CSMD1: variants seen among roughly 807,000 people sequenced by gnomAD.
CSMD1 encodes the protein CUB and Sushi multiple domains 1.
In CSMD1, 213 loss-of-function variants were observed where a neutral mutation model predicts 417.5. The ratio of observed to expected loss-of-function variants is 0.51; its 90% confidence interval spans 0.46 to 0.57. CSMD1 has a LOEUF of 0.57. CSMD1 is among the 20% of genes least tolerant of loss of function. The pLI is 0.00. For synonymous variants in CSMD1, 2,862 were observed against 1,736.8 expected, an observed-to-expected ratio of 1.65 and a Z score of -16.11; for missense variants, 6,923 against 4,529.7, an observed-to-expected ratio of 1.53 and a Z score of -15.17.
intron 3 of CSMD1, among the ~76,000 whole-genome samples, chr8:4,411,817 G>A (rs1203711033): frequency 2.0e-5 from 3 of 152,088 alleles, no homozygotes; most frequent in Non-Finnish European, 4.4e-5. Context: ...ACATAGCTAT[G>A]CAAATACTTT....
chr8:3,688,461 A>G (rs1391318482), intron 7 of CSMD1, among the ~76,000 whole-genome samples: 1 of 152,224 alleles, frequency 6.6e-6, no homozygotes, highest in East Asian at 1.9e-4. Context: ...GACTCATCCT[A>G]CGTGTCTCTG....
chr8:3,401,640 A>C (rs17393864), intron 15 of CSMD1, among the ~76,000 whole-genome samples: 4,873 of 152,286 alleles, frequency 0.032, 112 homozygotes, highest in Middle Eastern at 0.065. Flanking sequence ...TGAATTTCTC[A>C]CAAATGTGGC....
intron 3 of CSMD1, among the ~76,000 whole-genome samples, chr8:4,196,231 A>ATAAC (rs1299821716): frequency 1.3e-5 from 2 of 152,116 alleles, no homozygotes; most frequent in East Asian, 3.9e-4. Context: ...AAATAAATAA[A>ATAAC]TAATAAAAAT....
At chr8:4,212,670 T>G (rs933925340) in intron 3 of CSMD1, among the ~76,000 whole-genome samples, 2 of 150,724 alleles carry the variant, frequency 1.3e-5, no homozygotes, top group African/African-American at 4.9e-5. Context: ...TTTAAAAATC[T>G]AAGAACAGAA....
chr8:3,659,001 T>C (rs1585031661), intron 7 of CSMD1, among the ~76,000 whole-genome samples: 1 of 152,214 alleles, frequency 6.6e-6, no homozygotes, highest in African/African-American at 2.4e-5. Flanking sequence ...TCTTCTAAAA[T>C]ACTTCTAGGT....
chr8:4,220,946 C>A (rs543081793), intron 3 of CSMD1, among the ~76,000 whole-genome samples: 1 of 152,166 alleles, frequency 6.6e-6, no homozygotes, highest in Non-Finnish European at 1.5e-5. Flanking sequence ...GTTCACACCA[C>A]ACGGTTGAGT....
intron 3 of CSMD1, among the ~76,000 whole-genome samples, chr8:4,264,988 A>G (rs1804149423): frequency 2.0e-5 from 3 of 152,160 alleles, no homozygotes; most frequent in African/African-American, 7.2e-5. Context: ...AGCAACAATT[A>G]AGAAGCACTT....
At chr8:4,645,387 C>G (rs969764960) in intron 1 of CSMD1, among the ~76,000 whole-genome samples, 1 of 130,274 alleles carries the variant, frequency 7.7e-6, no homozygotes, top group Non-Finnish European at 1.5e-5. Flanking sequence ...TAAAGTCATT[C>G]AGTGTGTACC....
At chr8:4,365,586 T>C (rs1584962413) in intron 3 of CSMD1, among the ~76,000 whole-genome samples, 1 of 152,222 alleles carries the variant, frequency 6.6e-6, no homozygotes, top group African/African-American at 2.4e-5. Context: ...ATCAAGCAGA[T>C]ACTCTGGTTT....
intron 1 of CSMD1, among the ~76,000 whole-genome samples, chr8:4,763,741 T>C (rs1397899879): frequency 6.6e-6 from 1 of 152,228 alleles, no homozygotes; most frequent in East Asian, 1.9e-4. Context: ...GGTTCTGGAA[T>C]ACCATTTCAA....
At chr8:3,249,711 CATTT>C (rs1486775057) in intron 26 of CSMD1, among the ~76,000 whole-genome samples, 3 of 152,010 alleles carry the variant, frequency 2.0e-5, no homozygotes, top group African/African-American at 7.2e-5. Context: ...AAATAATAGA[CATTT>C]ATAATAAGCT....
chr8:3,467,361 G>A (rs1041248216), intron 12 of CSMD1, among the ~76,000 whole-genome samples: 1 of 152,066 alleles, frequency 6.6e-6, no homozygotes, highest in Non-Finnish European at 1.5e-5. Flanking sequence ...TCTACCAAAG[G>A]CAGCAGCAAA....
Position 3,997,933 on chromosome 8 carries a change from T to A in CSMD1, c.788A>T (p.Glu263Val), listed in dbSNP as rs780195155. Residue 263 changes from glutamate to valine, a missense_variant, in exon 5 of 70, where the codon GAG (glutamate) becomes GTG (valine). Coordinates refer to ENST00000635120, the MANE Select transcript of CSMD1 (RefSeq NM_033225.6). ...GGATGGAGCTTCCGTGCCACTGATC[T>A]CTAAGAAATCATATCCTTCTTCTAG... is the stretch of plus-strand genomic sequence containing the variant. ...FQLEEGYDFL[E>V]ISGTEAPSIW... 5.6e-6 allele frequency: 9 copies of A among 1,612,450 alleles called. No individual in the cohort carries two copies. Among genetic ancestry groups the A allele is most frequent in the Non-Finnish European group, 7.6e-6 (9 of 1,179,282 alleles).
chr8:3,616,311 T>A (rs1802134230), intron 8 of CSMD1, among the ~76,000 whole-genome samples: 1 of 152,080 alleles, frequency 6.6e-6, no homozygotes, highest in Admixed American at 6.6e-5. Context: ...TGATGGTTTT[T>A]TAAGAGGATT....
intron 41 of CSMD1, among the ~76,000 whole-genome samples, chr8:3,135,386 T>C (rs1003012715): frequency 3.3e-5 from 5 of 152,244 alleles, no homozygotes; most frequent in Non-Finnish European, 7.3e-5. Flanking sequence ...GGTACCTTCT[T>C]AAAGGAACTG....
At chr8:3,909,195 G>C (rs1808296693) in intron 5 of CSMD1, among the ~76,000 whole-genome samples, 1 of 152,180 alleles carries the variant, frequency 6.6e-6, no homozygotes, top group Admixed American at 6.5e-5. Flanking sequence ...ATTTGTGGAT[G>C]TGACAGGCTG....
chr8:3,357,150 G>C (rs67201625), intron 21 of CSMD1, among the ~76,000 whole-genome samples: 31,839 of 152,000 alleles, frequency 0.21, 4,135 homozygotes, highest in South Asian at 0.29. Flanking sequence ...GAGAAATGAA[G>C]ACAGCACCCG....
intron 3 of CSMD1, among the ~76,000 whole-genome samples, chr8:4,366,246 A>T (rs867736038): frequency 6.8e-5 from 8 of 118,244 alleles, no homozygotes; most frequent in South Asian, 2.7e-4. Flanking sequence ...GCTGCAAAAG[A>T]CGTGATTCTT....
At chr8:3,105,790 T>C (rs886547179) in intron 46 of CSMD1, among the ~76,000 whole-genome samples, 1 of 152,232 alleles carries the variant, frequency 6.6e-6, no homozygotes, top group African/African-American at 2.4e-5. Flanking sequence ...TTGAAATGCA[T>C]CAAAAATATA....
Sources: gnomAD v4.1 joint callset for allele counts (sites outside exome capture counted in the v4.1 genomes callset) on GRCh38, gnomAD v4.1.1 for gene constraint, MANE v1.5 for transcripts, NCBI Gene and HGNC (gene_info 2026-07-23, HGNC 2026-07-21) for gene names.